PTPRN2: variants seen among roughly 807,000 people sequenced by gnomAD.
PTPRN2 encodes the protein protein tyrosine phosphatase receptor type N2.
In PTPRN2, 74 loss-of-function variants were observed where a neutral mutation model predicts 118.8. The observed-to-expected ratio is 0.62, with a 90% CI of 0.52 to 0.76. The LOEUF (loss-of-function observed/expected upper bound fraction) is 0.76. Among genes scored for constraint, PTPRN2 ranks in the 30% least tolerant of loss-of-function variants. PTPRN2 has a pLI of 0.00. For missense variants in PTPRN2, 1,481 were observed against 1,394.4 expected (o/e 1.06, Z -0.99); for synonymous variants, 641 against 608.0 (o/e 1.05, Z -0.80).
intron 1 of PTPRN2, among the ~76,000 whole-genome samples, chr7:158,534,311 C>T (rs1335126663): frequency 8.6e-5 from 12 of 139,614 alleles, no homozygotes; most frequent in South Asian, 2.4e-4. Flanking sequence ...TGACCACCCA[C>T]GCCCCGGGCT....
intron 11 of PTPRN2, among the ~76,000 whole-genome samples, chr7:157,901,231 C>A (rs766184172): frequency 3.3e-5 from 5 of 152,226 alleles, no homozygotes; most frequent in Non-Finnish European, 7.3e-5. Context: ...GAGGGATCTG[C>A]CCCGCCCCAT....
chr7:158,151,721 C>T (rs1223200733), intron 6 of PTPRN2, among the ~76,000 whole-genome samples: 1 of 152,142 alleles, frequency 6.6e-6, no homozygotes, highest in Non-Finnish European at 1.5e-5. Flanking sequence ...TCCCTCCCTC[C>T]CTTGCTAGCT....
intron 2 of PTPRN2, among the ~76,000 whole-genome samples, chr7:158,320,129 TCACACACACAGCC>T (rs1435579804): frequency 0.47 from 21,236 of 45,358 alleles, 5,523 homozygotes; most frequent in Non-Finnish European, 0.5. Flanking sequence ...ACAGCCTCCC[TCACACACACAGCC>T]TCCCTTGTAC....
chr7:158,271,157 G>GA (rs1798492328), intron 3 of PTPRN2, among the ~76,000 whole-genome samples: 1 of 143,344 alleles, frequency 7.0e-6, no homozygotes, highest in South Asian at 2.2e-4. Context: ...GTAACTGTGG[G>GA]ATGGAAACAA....
intron 2 of PTPRN2, among the ~76,000 whole-genome samples, chr7:158,333,666 G>A (rs1031480950): frequency 2.0e-5 from 3 of 151,448 alleles, no homozygotes; most frequent in African/African-American, 7.3e-5. Flanking sequence ...CATAAGAGCT[G>A]ACACCCACAG....
At position 157,577,275 on chromosome 7, in the gene PTPRN2, A is replaced by G. The variant is rs560102536; in HGVS notation, c.2617-496T>C. On this transcript the variant is annotated intron_variant, in intron 18 of 22. Coordinates refer to ENST00000389418, the MANE Select transcript of PTPRN2 (RefSeq NM_002847.5). The stretch of plus-strand genomic sequence containing the variant: ...CGCTGATGTGAACCCCAGCGCAGGC[A>G]CTTCCGGGCCTAAGCGTTTCTGCAG... Among the ~76,000 whole-genome samples, 3 of 152,292 alleles carry G rather than the reference A, an allele frequency of 2.0e-5. No homozygotes were observed. In the East Asian group the frequency reaches 5.8e-4, roughly 29 times the overall value.
At chr7:158,115,507 A>G (rs1431557791) in intron 9 of PTPRN2, among the ~76,000 whole-genome samples, 1 of 152,126 alleles carries the variant, frequency 6.6e-6, no homozygotes, top group Non-Finnish European at 1.5e-5. Context: ...TTTAGCCCCA[A>G]GGTGAAGGTG....
chr7:158,131,562 C>T (rs1009712298), intron 9 of PTPRN2, among the ~76,000 whole-genome samples: 6 of 151,296 alleles, frequency 4.0e-5, no homozygotes, highest in Non-Finnish European at 5.9e-5. Context: ...AACTGATACA[C>T]AGCTACCCGA....
rs192698944 is a variant in PTPRN2, at chr7:157,550,918, A to G, written c.2903-1899T>C. Among the ~76,000 whole-genome samples the G allele has an allele frequency of 1.4e-3, 215 of 152,328 alleles. 1 individual carries two copies. Among genetic ancestry groups the G allele is most frequent in the South Asian group, 2.5e-3 (12 of 4,828 alleles). ...TACAATCTTGTTTTAAAAGAAATCC[A>G]TAAATTTAAAACAGCCTGACACAAA... On this transcript the variant is annotated intron_variant, in intron 21 of 22. Coordinates refer to ENST00000389418, the MANE Select transcript of PTPRN2 (RefSeq NM_002847.5). This position sits in a 1 kb window ranked among gnomAD's most constrained non-coding sequence, Gnocchi z 5.2.
Position 158,319,085 on chromosome 7 carries a change from T to C in PTPRN2, c.164-2153A>G, listed in dbSNP as rs375099243. 3.9e-4 allele frequency among the ~76,000 whole-genome samples: 59 copies of C among 152,352 alleles called. No homozygotes were observed. In the South Asian group the frequency reaches 0.012, roughly 31 times the overall value. On this transcript the variant is annotated intron_variant, in intron 2 of 22. Coordinates refer to ENST00000389418, the MANE Select transcript of PTPRN2 (RefSeq NM_002847.5). ...ACAATGTCATAAATATATTTTAAAA[T>C]TATATTAGACTTTCTTGAAAACTTT... is the stretch of plus-strand genomic sequence containing the variant.
chr7:158,333,852 A>G (rs1352712262), intron 2 of PTPRN2, among the ~76,000 whole-genome samples: 14 of 121,396 alleles, frequency 1.2e-4, no homozygotes, highest in Middle Eastern at 5.1e-3. Context: ...TAGAGCTGAC[A>G]CCCGCAGACG....
At chr7:158,136,537 T>C in intron 8 of PTPRN2, 118 bp downstream of exon 8, 1 of 871,032 alleles carries the variant, frequency 1.1e-6, no homozygotes, top group Non-Finnish European at 1.8e-6. Context: ...ATGAGGGGTT[T>C]CTCCATAATT....
intron 17 of PTPRN2, among the ~76,000 whole-genome samples, chr7:157,593,802 G>A (rs907997637): frequency 5.9e-5 from 9 of 152,170 alleles, no homozygotes; most frequent in South Asian, 2.1e-4. Flanking sequence ...TGTTCTCACC[G>A]GGCTGGGCGA....
chr7:157,848,293 A>C (rs1163650405), intron 12 of PTPRN2, among the ~76,000 whole-genome samples: 1 of 143,248 alleles, frequency 7.0e-6, no homozygotes, highest in Admixed American at 6.9e-5. Flanking sequence ...CTCTCTCATT[A>C]CATCGTGTGT....
intron 13 of PTPRN2, among the ~76,000 whole-genome samples, chr7:157,665,484 G>A (rs1033867356): frequency 6.6e-6 from 1 of 152,232 alleles, no homozygotes; most frequent in African/African-American, 2.4e-5. Context: ...GGAGCTGGAC[G>A]GAGGCTCCAT....
At chr7:157,952,239 G>A (rs1337841530) in intron 11 of PTPRN2, among the ~76,000 whole-genome samples, 2 of 152,154 alleles carry the variant, frequency 1.3e-5, no homozygotes, top group Non-Finnish European at 2.9e-5. Flanking sequence ...CGATGGGGCC[G>A]AACCCCGCAG....
At chr7:158,384,898 C>T (rs1032961093) in intron 2 of PTPRN2, among the ~76,000 whole-genome samples, 5 of 152,052 alleles carry the variant, frequency 3.3e-5, no homozygotes, top group Non-Finnish European at 5.9e-5. Flanking sequence ...GTGGGCTATG[C>T]GCATCAGTAA....
At chr7:158,418,624 G>A (rs1292838855) in intron 2 of PTPRN2, among the ~76,000 whole-genome samples, 9 of 146,070 alleles carry the variant, frequency 6.2e-5, no homozygotes, top group Non-Finnish European at 1.1e-4. Context: ...GCTGTGTTAA[G>A]TCACGGTGTA....
Position 158,546,524 on chromosome 7 carries a change from A to G in PTPRN2, c.112+41034T>C, listed in dbSNP as rs1180345181. On this transcript the variant is annotated intron_variant, in intron 1 of 22. Transcript: ENST00000389418. This position sits in a 1 kb window ranked among gnomAD's most constrained non-coding sequence, Gnocchi z 5.0. Reference sequence around the variant, plus strand: ...TCTAAGTGACTATAGGGCCATGAAGAAGGGGCCTCCTGATAATCCCTACCA... The same window carrying G: ...TCTAAGTGACTATAGGGCCATGAAGGAGGGGCCTCCTGATAATCCCTACCA... 1.3e-5 allele frequency among the ~76,000 whole-genome samples: 2 copies of G among 152,146 alleles called. No homozygotes were observed. Among genetic ancestry groups the G allele is most frequent in the African/African-American group, 4.8e-5 (2 of 41,430 alleles).
Sources: gnomAD v4.1 joint callset for allele counts (sites outside exome capture counted in the v4.1 genomes callset) on GRCh38, gnomAD v4.1.1 for gene constraint, Gnocchi (gnomAD v3.1) non-coding constraint, MANE v1.5 for transcripts, NCBI Gene and HGNC (gene_info 2026-07-23, HGNC 2026-07-21) for gene names.